The following NCOA7 variants were observed in gnomAD, a reference collection of about 807,000 sequenced individuals.
The protein encoded by NCOA7 is nuclear receptor coactivator 7.
NCOA7 carries 45 observed loss-of-function variants against 104.3 expected under a neutral mutation model. The observed-to-expected ratio is 0.43, with a 90% CI of 0.34 to 0.55. The LOEUF is 0.55. Among genes scored for constraint, NCOA7 ranks in the 20% least tolerant of loss-of-function variants. The pLI is 0.02. For missense variants in NCOA7, 1,041 were observed against 1,119.7 expected, an observed-to-expected ratio of 0.93 and a Z score of 1.00; for synonymous variants, 398 against 402.3, an observed-to-expected ratio of 0.99 and a Z score of 0.13.
At chr6:125,920,344 A>G (rs1191258835) in intron 11 of NCOA7, among the ~76,000 whole-genome samples, 1 of 152,198 alleles carries the variant, frequency 6.6e-6, no homozygotes, top group East Asian at 1.9e-4. Context: ...CAGGAACCTG[A>G]TTAAAAACTA....
chr6:125,835,796 A>C (rs990011760), intron 2 of NCOA7, among the ~76,000 whole-genome samples: 2 of 152,210 alleles, frequency 1.3e-5, no homozygotes, highest in Non-Finnish European at 2.9e-5. Flanking sequence ...TTACAGAATA[A>C]GGAATAGATT....
chr6:125,836,262 G>T (rs148550091), intron 2 of NCOA7, among the ~76,000 whole-genome samples: 42 of 152,296 alleles, frequency 2.8e-4, no homozygotes, highest in African/African-American at 1.0e-3. Context: ...TCATGCCAGG[G>T]ACATAATGGT....
intron 7 of NCOA7, among the ~76,000 whole-genome samples, chr6:125,883,526 A>C (rs1456132333): frequency 2.7e-5 from 4 of 150,900 alleles, no homozygotes; most frequent in African/African-American, 9.8e-5. Context: ...CCCATTTCAC[A>C]CTCTCCCACC....
intron 10 of NCOA7, among the ~76,000 whole-genome samples, chr6:125,906,377 T>C (rs1460752266): frequency 6.6e-6 from 1 of 150,998 alleles, no homozygotes; most frequent in Non-Finnish European, 1.5e-5. Flanking sequence ...CTGTGTAGAG[T>C]AGGAAAGAAA....
intron 2 of NCOA7, among the ~76,000 whole-genome samples, chr6:125,817,449 A>G (rs1777697942): frequency 6.6e-6 from 1 of 152,148 alleles, no homozygotes; most frequent in Non-Finnish European, 1.5e-5. Flanking sequence ...TTTTATTTTT[A>G]TCTTAGCTAT....
At chr6:125,912,579 A>C (rs1244486047) in intron 10 of NCOA7, among the ~76,000 whole-genome samples, 1 of 152,220 alleles carries the variant, frequency 6.6e-6, no homozygotes. Context: ...CAACAAAGAA[A>C]CAGGTGGTGA....
intron 10 of NCOA7, among the ~76,000 whole-genome samples, chr6:125,898,712 C>G (rs182963317): frequency 6.6e-6 from 1 of 152,190 alleles, no homozygotes; most frequent in East Asian, 1.9e-4. Context: ...TTTTAAAAAC[C>G]CTTCATAAAA....
At chr6:125,829,200 TATA>T (rs1459266926) in intron 2 of NCOA7, among the ~76,000 whole-genome samples, 2 of 152,158 alleles carry the variant, frequency 1.3e-5, no homozygotes, top group African/African-American at 4.8e-5. Flanking sequence ...AACAAATTAT[TATA>T]ATATGTCCTC....
At position 125,882,421 on chromosome 6, in the gene NCOA7, A is replaced by T; in HGVS notation, c.574-5A>T. 1 of 1,608,836 alleles carries T rather than the reference A, an allele frequency of 6.2e-7. No individual in the cohort carries two copies. Among genetic ancestry groups the T allele is most frequent in the South Asian group, 1.1e-5 (1 of 89,750 alleles). On this transcript the variant is annotated splice_polypyrimidine_tract_variant and splice_region_variant and intron_variant, in intron 6 of 15. Coordinates refer to ENST00000392477, the MANE Select transcript of NCOA7 (RefSeq NM_181782.5). ...TTTGATTTTGAAATTTTTTGCTTTCACAAGGATGCTGACTTAGCACGAAAG... is the reference window on the plus strand; with the variant it reads ...TTTGATTTTGAAATTTTTTGCTTTCTCAAGGATGCTGACTTAGCACGAAAG...
chr6:125,920,975 G>C lies in NCOA7; in HGVS notation c.2277G>C (p.Lys759Asn). The part of the protein sequence containing the change: ...IITVEEAKRR[K>N]STCSYYEDED... ...CTGTTGAAGAGGCAAAGCGCAGGAA[G>C]AGCACATGCAGCTACTATGAAGACG... The change falls in exon 12 of 16, where the codon AAG (lysine) becomes AAC (asparagine). Residue 759 changes from lysine (K) to asparagine (N), a missense_variant. Lys to Asn is a moderately conservative substitution (Grantham distance 94). Around this residue, in one of 2 missense-constraint regions of NCOA7, gnomAD observed 914 missense variants for 942.7 expected, o/e 0.97. Transcript: ENST00000392477. The C allele has an allele frequency of 6.2e-7, 1 of 1,613,774 alleles. No homozygotes were observed. The highest frequency in any genetic ancestry group is 8.5e-7 in the Non-Finnish European group (1 of 1,179,764).
intron 2 of NCOA7, among the ~76,000 whole-genome samples, chr6:125,853,195 T>C (rs1191720149): frequency 1.3e-5 from 2 of 152,168 alleles, no homozygotes; most frequent in African/African-American, 4.8e-5. Context: ...GAGTTCTTGA[T>C]TTGATTGTCA....
At chr6:125,897,782 C>G (rs1328445194) in intron 10 of NCOA7, among the ~76,000 whole-genome samples, 2 of 152,244 alleles carry the variant, frequency 1.3e-5, no homozygotes, top group Non-Finnish European at 2.9e-5. Flanking sequence ...TGGCTTCAAG[C>G]AATTCTCCTG....
At chr6:125,785,205 G>A (rs1774408084) in intron 1 of NCOA7, among the ~76,000 whole-genome samples, 1 of 152,122 alleles carries the variant, frequency 6.6e-6, no homozygotes, top group Non-Finnish European at 1.5e-5. Context: ...GGGTGTGGTG[G>A]TGGGCGCCTG....
intron 11 of NCOA7, among the ~76,000 whole-genome samples, chr6:125,915,991 A>G (rs191379915): frequency 5.3e-4 from 80 of 152,342 alleles, no homozygotes; most frequent in African/African-American, 1.9e-3. Context: ...ATACAAAAAC[A>G]GGTGGTAGAC....
Position 125,855,252 on chromosome 6 carries a change from T to C in NCOA7, c.271+12T>C. ...ATATTATAGTATTGGTGAGTATTCA[T>C]GGCGTTACTGCAGTATTTTCATTTA... On this transcript the variant is annotated intron_variant, in intron 3 of 15. Transcript: ENST00000392477. 1 of 1,559,952 alleles carries C rather than the reference T, an allele frequency of 6.4e-7. No individual in the cohort carries two copies. The highest frequency in any genetic ancestry group is 8.8e-7 in the Non-Finnish European group (1 of 1,136,036).
rs1788340669 is a variant in NCOA7 at position 125,929,566 on chromosome 6, T to C, written c.*795T>C. 1 of 152,182 alleles carries C rather than the reference T, an allele frequency of 6.6e-6. No homozygotes were observed. Among genetic ancestry groups the C allele is most frequent in the African/African-American group, 2.4e-5 (1 of 41,452 alleles). The allele number at this position is 152,182 out of a possible 1,614,324, so 9.4% of individuals were successfully genotyped here. ...TAAATTTCTAAAAACTCATTATGAATGTTCATCAATTTGACTATTATAGGC... is the reference window on the plus strand; with the variant it reads ...TAAATTTCTAAAAACTCATTATGAACGTTCATCAATTTGACTATTATAGGC... On this transcript the variant is annotated 3_prime_UTR_variant, in exon 16 of 16. Coordinates refer to ENST00000392477, the MANE Select transcript of NCOA7 (RefSeq NM_181782.5).
intron 10 of NCOA7, among the ~76,000 whole-genome samples, chr6:125,893,322 C>T (rs747859786): frequency 2.6e-5 from 4 of 152,180 alleles, no homozygotes; most frequent in Non-Finnish European, 5.9e-5. Context: ...TCTATTTAGG[C>T]AAGTCTCTTT....
chr6:125,922,586 A>G, intron 12 of NCOA7, 96 bp from the exon 13 acceptor site: 3 of 1,410,514 alleles, frequency 2.1e-6, no homozygotes. Flanking sequence ...AGTGTATGAT[A>G]CTGAGTTTGA....
chr6:125,781,557 G>T (rs145035317), intron 1 of NCOA7, among the ~76,000 whole-genome samples: 1,905 of 152,274 alleles, frequency 0.013, 32 homozygotes, highest in African/African-American at 0.044. Flanking sequence ...TTTTAAGTGG[G>T]ACCCTTTTTT....
Sources: gnomAD v4.1 joint callset for allele counts (sites outside exome capture counted in the v4.1 genomes callset) on GRCh38, gnomAD v4.1.1 for gene constraint, gnomAD v4.1.1 regional missense constraint, MANE v1.5 for transcripts, NCBI Gene and HGNC (gene_info 2026-07-23, HGNC 2026-07-21) for gene names.